The following TXNRD1 variants were observed in gnomAD, a reference collection of about 807,000 sequenced individuals.
TXNRD1 encodes thioredoxin reductase 1, cytoplasmic.
A neutral mutation model predicts 80.3 loss-of-function variants in TXNRD1; 57 were observed. The ratio of observed to expected loss-of-function variants is 0.71; its 90% CI spans 0.57 to 0.89. The LOEUF (loss-of-function observed/expected upper bound fraction) is 0.89. Among genes scored for constraint, TXNRD1 ranks in the 40% least tolerant of loss-of-function variants. The pLI is 0.00. For synonymous variants in TXNRD1, 291 were observed against 285.2 expected (o/e 1.02, Z -0.20); for missense variants, 730 against 803.0 (o/e 0.91, Z 1.10).
At chr12:104,290,718 T>TAC (rs1555212073) in intron 4 of TXNRD1, among the ~76,000 whole-genome samples, 1 of 71,226 alleles carries the variant, frequency 1.4e-5, no homozygotes, top group African/African-American at 6.1e-5. Context: ...AAAAGAAATA[T>TAC]ACATATATAT....
chr12:104,293,676 C>T (rs974251905), intron 4 of TXNRD1, among the ~76,000 whole-genome samples: 4 of 151,930 alleles, frequency 2.6e-5, no homozygotes, highest in African/African-American at 9.7e-5. Context: ...GGGACCAGCC[C>T]CACAGGGTCG....
rs772202256 is a variant in TXNRD1, at chr12:104,302,486, C to CTTTTTTTTTTTTTTTTTTTTTTT, written c.415-8783_415-8782insTTTTTTTTTTTTTTTTTTTTTTT. Among the ~76,000 whole-genome samples the CTTTTTTTTTTTTTTTTTTTTTTT allele has an allele frequency of 6.6e-5, 5 of 76,226 alleles. 1 individual carries two copies. The highest frequency in any genetic ancestry group is 1.1e-4 in the Non-Finnish European group (5 of 44,154). 50.0% of individuals were successfully genotyped at this position (76,226 alleles called of 152,430 possible). On this transcript the variant is annotated intron_variant, in intron 4 of 16. Transcript: ENST00000525566. ...TTTAAAAACCAGATGTATTCATTCC[C>CTTTTTTTTTTTTTTTTTTTTTTT]TTTTTTTTTTTTTTTTTTTTTGAGA...
intron 1 of TXNRD1, among the ~76,000 whole-genome samples, chr12:104,217,439 TA>T (rs1353175124): frequency 6.6e-6 from 1 of 151,828 alleles, no homozygotes; most frequent in Non-Finnish European, 1.5e-5. Context: ...GCCTCCCAAG[TA>T]GCTGGGATTA....
chr12:104,267,772 TCCTTC>T (rs2033562953), intron 3 of TXNRD1, among the ~76,000 whole-genome samples: 1 of 145,130 alleles, frequency 6.9e-6, no homozygotes, highest in African/African-American at 2.6e-5. Flanking sequence ...CCCTTCCCTT[TCCTTC>T]CCTTCCCTCC....
intron 4 of TXNRD1, chr12:104,309,742 T>C (rs1209344012): frequency 6.7e-7 from 1 of 1,502,924 alleles, no homozygotes; most frequent in South Asian, 1.2e-5. Context: ...TATTACCAAA[T>C]TGTTTTTCCC....
intron 3 of TXNRD1, among the ~76,000 whole-genome samples, chr12:104,264,271 G>A (rs1414045507): frequency 2.6e-5 from 4 of 152,190 alleles, no homozygotes; most frequent in African/African-American, 9.6e-5. Flanking sequence ...GTAGGATCAC[G>A]GGTGGACAAA....
At chr12:104,259,553 G>A (rs1347728538) in intron 3 of TXNRD1, among the ~76,000 whole-genome samples, 4 of 147,204 alleles carry the variant, frequency 2.7e-5, no homozygotes, top group Non-Finnish European at 6.0e-5. Flanking sequence ...GTGCAATGGT[G>A]CGATCTCAGC....
At chr12:104,304,844 CAG>C (rs2034824764) in intron 4 of TXNRD1, 1 of 1,613,824 alleles carries the variant, frequency 6.2e-7, no homozygotes. Flanking sequence ...TGGCAGGAAA[CAG>C]GGAGTTATAT....
chr12:104,303,742 G>T (rs938239580), intron 4 of TXNRD1: 3 of 947,914 alleles, frequency 3.2e-6, no homozygotes, highest in Non-Finnish European at 4.4e-6. Flanking sequence ...AGTGCGCATG[G>T]GCGGGCGTCC....
intron 1 of TXNRD1, among the ~76,000 whole-genome samples, chr12:104,250,967 G>A (rs966265282): frequency 2.6e-5 from 4 of 152,128 alleles, no homozygotes; most frequent in East Asian, 3.8e-4. Flanking sequence ...GCCTGATTGG[G>A]CCAGCACAAA....
At chr12:104,283,655 G>A (rs1227208361) in intron 3 of TXNRD1, among the ~76,000 whole-genome samples, 2 of 151,984 alleles carry the variant, frequency 1.3e-5, no homozygotes, top group Non-Finnish European at 2.9e-5. Flanking sequence ...CGGATCACCT[G>A]TAGTTGGGAG....
chr12:104,289,716 T>C, intron 4 of TXNRD1, among the ~76,000 whole-genome samples: 1 of 140,690 alleles, frequency 7.1e-6, no homozygotes, highest in East Asian at 2.1e-4. Context: ...AGGCTGGGTG[T>C]ATGTATGTTT....
Position 104,258,883 on chromosome 12 carries a change from T to C in TXNRD1, c.304+804T>C, listed in dbSNP as rs561263822. ...AGTTCAAGGTTACAGTGAGCTATGA[T>C]TGCACCATTGCACTCTAGCCTGGAT... On this transcript the variant is annotated intron_variant, in intron 3 of 16. Transcript: ENST00000525566. Among the ~76,000 whole-genome samples the C allele has an allele frequency of 7.9e-5, 12 of 152,224 alleles. No homozygotes were observed. In the South Asian group the frequency reaches 2.5e-3, roughly 32 times the overall value.
At chr12:104,310,998 G>T (rs1344451210) in intron 4 of TXNRD1, among the ~76,000 whole-genome samples, 1 of 152,134 alleles carries the variant, frequency 6.6e-6, no homozygotes, top group African/African-American at 2.4e-5. Context: ...GGAAAAAAAG[G>T]CTAATGATTA....
At chr12:104,248,814 A>G (rs1244286039) in intron 1 of TXNRD1, among the ~76,000 whole-genome samples, 1 of 152,066 alleles carries the variant, frequency 6.6e-6, no homozygotes, top group Non-Finnish European at 1.5e-5. Context: ...CACAGATGTT[A>G]GTTTTTCTTT....
chr12:104,241,806 G>C (rs962801345), intron 1 of TXNRD1, among the ~76,000 whole-genome samples: 157 of 151,774 alleles, frequency 1.0e-3, no homozygotes, highest in African/African-American at 3.8e-3. Flanking sequence ...CTCCCTGTTG[G>C]GATTACAGGC....
intron 3 of TXNRD1, among the ~76,000 whole-genome samples, chr12:104,274,718 TAAA>T (rs1045201934): frequency 1.4e-5 from 2 of 138,478 alleles, no homozygotes; most frequent in South Asian, 5.0e-4. Context: ...AAATTAATAA[TAAA>T]AAAAATAATA....
At chr12:104,331,456 A>G (rs2035943240) in intron 13 of TXNRD1, 78 bp from the exon 14 acceptor site, 3 of 896,510 alleles carry the variant, frequency 3.3e-6, no homozygotes, top group Non-Finnish European at 5.2e-6. Context: ...TCCTTTGTCA[A>G]TTTTGACTTT....
intron 16 of TXNRD1, among the ~76,000 whole-genome samples, chr12:104,341,260 C>G (rs2036314304): frequency 6.6e-6 from 1 of 152,186 alleles, no homozygotes; most frequent in Non-Finnish European, 1.5e-5. Context: ...GCTGAATGTT[C>G]TGGTGCTTTG....
Sources: allele counts gnomAD v4.1 joint callset (sites outside exome capture counted in the v4.1 genomes callset), GRCh38; gene constraint gnomAD v4.1.1; transcripts MANE v1.5; gene names NCBI Gene and HGNC (gene_info 2026-07-23, HGNC 2026-07-21).